CRELD1: variants seen among roughly 807,000 people sequenced by gnomAD.
CRELD1 encodes CRELD disulfide isomerase 1.
A neutral mutation model predicts 58.2 loss-of-function variants in CRELD1; 42 were observed. The ratio of observed to expected loss-of-function variants is 0.72; its 90% CI spans 0.56 to 0.93. The LOEUF (loss-of-function observed/expected upper bound fraction) is 0.93, where lower values mean the gene tolerates loss of function less well. Ranked by LOEUF, CRELD1 falls within the 40% of genes least tolerant of loss-of-function variation. CRELD1 has a pLI of 0.00. For synonymous variants in CRELD1, 222 were observed against 202.0 expected, an observed-to-expected ratio of 1.10 and a Z score of -0.84; for missense variants, 500 against 540.6, an observed-to-expected ratio of 0.92 and a Z score of 0.74.
At chr3:9,939,973 ACCTC>A (rs1559336797) in intron 5 of CRELD1, among the ~76,000 whole-genome samples, 1 of 146,194 alleles carries the variant, frequency 6.8e-6, no homozygotes, top group South Asian at 2.2e-4. Flanking sequence ...TGACCCCCTC[ACCTC>A]CCTCCCGGAC....
chr3:9,933,866 C>G lies in CRELD1; in HGVS notation c.-74C>G, dbSNP rs984080346. ...GGCAGCGACGCGGTGAGGAGACGGC[C>G]CACGGCGCCCGCGGGCTGGGGCGGT... is the stretch of plus-strand genomic sequence containing the variant. On this transcript the variant is annotated 5_prime_UTR_variant, in exon 1 of 11. Transcript: ENST00000452070. 2.0e-6 allele frequency: 1 copy of G among 492,284 alleles called. No homozygotes were observed. Among genetic ancestry groups the G allele is most frequent in the Non-Finnish European group, 3.6e-6 (1 of 277,798 alleles). The allele number at this position is 492,284 out of a possible 1,614,324, so 30.5% of individuals were successfully genotyped here. A position where few individuals can be genotyped will look rare whatever the true frequency, so the allele number is the denominator to read the frequency against.
chr3:9,935,042 G>C, intron 3 of CRELD1, 125 bp downstream of exon 3: 1 of 789,784 alleles, frequency 1.3e-6, no homozygotes, highest in Non-Finnish European at 2.0e-6. Context: ...AACATCTATA[G>C]TATAGCAGTA....
chr3:9,940,470 G>A (rs1428680067), intron 5 of CRELD1, among the ~76,000 whole-genome samples: 12 of 152,160 alleles, frequency 7.9e-5, no homozygotes, highest in African/African-American at 1.9e-4. Flanking sequence ...GCTGGAGACC[G>A]GCCCGGCCAA....
At chr3:9,941,771 C>CA (rs2124853377) in intron 7 of CRELD1, among the ~76,000 whole-genome samples, 1 of 109,306 alleles carries the variant, frequency 9.1e-6, no homozygotes, top group East Asian at 2.8e-4. Flanking sequence ...GTCTGGGCAA[C>CA]AGAGGGAGAC....
Position 9,944,589 on chromosome 3 carries a change from C to T in CRELD1, c.*10C>T, listed in dbSNP as rs1198722970. 5 of 1,593,356 alleles carry T rather than the reference C, an allele frequency of 3.1e-6. No individual in the cohort carries two copies. The South Asian group carries it at 5.6e-5, about 18-fold the overall frequency. On this transcript the variant is annotated 3_prime_UTR_variant, in exon 11 of 11. Transcript: ENST00000452070. ...CATCAAGGGCAGATAATCGCGGCCACCACCTGTAGGACCTCCTCCCACCCA... is the reference window on the plus strand; with the variant it reads ...CATCAAGGGCAGATAATCGCGGCCATCACCTGTAGGACCTCCTCCCACCCA...
chr3:9,934,033 G>A (rs910780304), intron 1 of CRELD1, 113 bp downstream of exon 1: 9 of 321,774 alleles, frequency 2.8e-5, no homozygotes, highest in African/African-American at 1.7e-4. Flanking sequence ...CAAGCCCGGG[G>A]TTCCGGACAC....
chr3:9,945,133 AGAG>A lies in CRELD1; in HGVS notation c.*558_*560del, dbSNP rs1266850261. 1 of 185,404 alleles carries A rather than the reference AGAG, an allele frequency of 5.4e-6. No homozygotes were observed. Among genetic ancestry groups the A allele is most frequent in the Admixed American group, 5.3e-5 (1 of 18,854 alleles). 11.5% of individuals were successfully genotyped at this position (185,404 alleles called of 1,614,324 possible). On this transcript the variant is annotated 3_prime_UTR_variant, in exon 11 of 11. Transcript: ENST00000452070. ...CTTTGATGGTGAGTGGAGAAAAGATAGAGGAGAAGGTTGCCCCTGAAGTGCTGT... is the reference window on the plus strand; with the variant it reads ...CTTTGATGGTGAGTGGAGAAAAGATAGAGAAGGTTGCCCCTGAAGTGCTGT...
rs770744743 is a variant in CRELD1, at chr3:9,942,864, G to T, written c.785G>T (p.Cys262Phe). ...GCCAACTGTGGAGCTGACCAATTCTGCGTGAACACTGAGGGCTCCTATGAG... is the reference window on the plus strand; with the variant it reads ...GCCAACTGTGGAGCTGACCAATTCTTCGTGAACACTGAGGGCTCCTATGAG... ...EGANCGADQFCVNTEGSYECR... is the reference protein window; with the variant it reads ...EGANCGADQFFVNTEGSYECR... Residue 262 changes from cysteine (C) to phenylalanine (F), a missense_variant, in exon 8 of 11, where the codon TGC (cysteine) becomes TTC (phenylalanine). Cys to Phe is a radical substitution (Grantham distance 205). Coordinates refer to ENST00000452070, the MANE Select transcript of CRELD1 (RefSeq NM_001077415.3). 6.2e-7 allele frequency: 1 copy of T among 1,614,186 alleles called. No individual in the cohort carries two copies. The highest frequency in any genetic ancestry group is 2.2e-5 in the East Asian group (1 of 44,882).
rs1323625178 is a variant in CRELD1, at chr3:9,944,649, G to C, written c.*70G>C. 7.4e-7 allele frequency: 1 copy of C among 1,354,458 alleles called. No individual in the cohort carries two copies. Among genetic ancestry groups the C allele is most frequent in the African/African-American group, 1.4e-5 (1 of 69,574 alleles). 83.9% of individuals were successfully genotyped at this position (1,354,458 alleles called of 1,614,324 possible). On this transcript the variant is annotated 3_prime_UTR_variant, in exon 11 of 11. Transcript: ENST00000452070. ...CAGAGCTTGGGCTGCCCTCCTGCTG[G>C]ACACTCAGGACAGCTTGGTTTATTT...
rs751443935 is a variant in CRELD1 at position 9,934,577 on chromosome 3, C to G, written c.139C>G (p.His47Asp). ...TCCCCCGCCTCAGCCCCATCCGTGT[C>G]ATACCTGCCGGGGACTGGTTGACAG... is the stretch of plus-strand genomic sequence containing the variant. ...SSPPPQPHPCHTCRGLVDSFN... is the reference protein window; with the variant it reads ...SSPPPQPHPCDTCRGLVDSFN... Residue 47 changes from histidine to aspartate, a missense_variant, in exon 2 of 11, where the codon CAT becomes GAT. By Grantham distance (81) the His-to-Asp change is moderately conservative (BLOSUM62 -1). Coordinates refer to ENST00000452070, the MANE Select transcript of CRELD1 (RefSeq NM_001077415.3). 1.9e-6 allele frequency: 3 copies of G among 1,614,086 alleles called. No individual in the cohort carries two copies. Among genetic ancestry groups the G allele is most frequent in the East Asian group, 4.5e-5 (2 of 44,876 alleles).
intron 4 of CRELD1, 45 bp downstream of exon 4, chr3:9,937,717 C>A: frequency 7.3e-7 from 1 of 1,376,976 alleles, no homozygotes; most frequent in Non-Finnish European, 1.0e-6. Flanking sequence ...ACAGGTGAGG[C>A]CTGGTGATAA....
intron 5 of CRELD1, among the ~76,000 whole-genome samples, 174 bp from the exon 6 acceptor site, chr3:9,940,676 G>A (rs994067037): frequency 7.2e-6 from 1 of 139,090 alleles, no homozygotes; most frequent in Non-Finnish European, 1.6e-5. Context: ...GGGAGAGGGA[G>A]ACCATGGGGA....
chr3:9,943,446 GGTTATCGCT>G lies in CRELD1; in HGVS notation c.981_989del (p.Tyr328_Cys330del). ...CAAGCAGTGTGAAAACACCGAGGGC[GGTTATCGCT>G]GCATCTGTGCCGAGGGCTACAAGCA... On this transcript the variant is annotated inframe_deletion, in exon 10 of 11. Coordinates refer to ENST00000452070, the MANE Select transcript of CRELD1 (RefSeq NM_001077415.3). 1 of 1,614,064 alleles carries G rather than the reference GGTTATCGCT, an allele frequency of 6.2e-7. No individual in the cohort carries two copies. Among genetic ancestry groups the G allele is most frequent in the Non-Finnish European group, 8.5e-7 (1 of 1,180,002 alleles).
chr3:9,940,072 C>T (rs1219993214), intron 5 of CRELD1, among the ~76,000 whole-genome samples: 1 of 150,720 alleles, frequency 6.6e-6, no homozygotes, highest in Non-Finnish European at 1.5e-5. Flanking sequence ...TCAGACAGGG[C>T]GGCCGGGCAG....
rs2085472277 is a variant in CRELD1, at chr3:9,944,692, AC to A, written c.*117del. ...GTTTATTTTTGAGAGTGGGGTAAGC[AC>A]CCCTACCTGCCTTACAGAGCAGCCC... On this transcript the variant is annotated 3_prime_UTR_variant, in exon 11 of 11. Transcript: ENST00000452070. 6.7e-6 allele frequency: 7 copies of A among 1,041,332 alleles called. No homozygotes were observed. In the South Asian group the frequency reaches 6.8e-5, roughly 10 times the overall value. 64.5% of individuals were successfully genotyped at this position (1,041,332 alleles called of 1,614,324 possible).
At chr3:9,936,061 C>T (rs2085183906) in intron 3 of CRELD1, 1 of 152,192 alleles carries the variant, frequency 6.6e-6, no homozygotes, top group South Asian at 2.1e-4. Flanking sequence ...CTGAGCCCTC[C>T]AGCTTTTCAA....
intron 7 of CRELD1, among the ~76,000 whole-genome samples, chr3:9,941,587 G>A (rs1016616716): frequency 3.9e-5 from 6 of 151,918 alleles, no homozygotes; most frequent in Non-Finnish European, 5.9e-5. Flanking sequence ...TCAGGAGATC[G>A]AGACCATCCT....
intron 8 of CRELD1, 66 bp from the exon 9 acceptor site, chr3:9,943,011 T>C: frequency 6.4e-7 from 1 of 1,561,292 alleles, no homozygotes; most frequent in East Asian, 2.2e-5. Context: ...AGGCCTCCGC[T>C]TCTGGAGCGT....
In CRELD1 at chr3:9,937,555, C is replaced by A; in HGVS notation, c.258-7C>A. 1 of 1,602,806 alleles carries A rather than the reference C, an allele frequency of 6.2e-7. No individual in the cohort carries two copies. The highest frequency in any genetic ancestry group is 8.5e-7 in the Non-Finnish European group (1 of 1,173,104). On this transcript the variant is annotated splice_region_variant and splice_polypyrimidine_tract_variant and intron_variant, in intron 3 of 10. Transcript: ENST00000452070. ...TGTTTCCCACCAGCCCTGCCCTGTC[C>A]GATCAGTGAGACCCGCCTGGTAGAG...
Sources: gnomAD v4.1 joint callset for allele counts (sites outside exome capture counted in the v4.1 genomes callset) on GRCh38, gnomAD v4.1.1 for gene constraint, MANE v1.5 for transcripts, NCBI Gene and HGNC (gene_info 2026-07-23, HGNC 2026-07-21) for gene names.